Variants in FBXW4 observed in about 807,000 individuals in gnomAD.
The protein encoded by FBXW4 is F-box/WD repeat-containing protein 4.
FBXW4 carries 40 observed loss-of-function variants against 61.8 expected under a neutral mutation model. That is an observed-to-expected ratio of 0.65 (90% CI 0.50 to 0.84). The LOEUF (loss-of-function observed/expected upper bound fraction) is 0.84, where lower values mean the gene tolerates loss of function less well. Among genes scored for constraint, FBXW4 ranks in the 40% least tolerant of loss-of-function variants. The probability of loss-of-function intolerance (pLI) is 0.00; values close to 1 mark genes in which losing one functional copy is unlikely to be tolerated. For missense variants in FBXW4, 672 were observed against 753.8 expected (o/e 0.89, Z 1.27); for synonymous variants, 311 against 313.8 (o/e 0.99, Z 0.10).
intron 1 of FBXW4, among the ~76,000 whole-genome samples, chr10:101,683,921 A>C (rs749161084): frequency 6.6e-6 from 1 of 152,220 alleles, no homozygotes; most frequent in Non-Finnish European, 1.5e-5. Flanking sequence ...AGGGGAAAAC[A>C]GGGTTACACA....
At chr10:101,641,237 G>C (rs1055190081) in intron 5 of FBXW4, among the ~76,000 whole-genome samples, 10 of 152,090 alleles carry the variant, frequency 6.6e-5, no homozygotes, top group Non-Finnish European at 1.3e-4. Flanking sequence ...TGCACAATTG[G>C]ATAGGAGAAT....
chr10:101,669,917 G>A (rs1176895085), intron 4 of FBXW4, among the ~76,000 whole-genome samples: 1 of 151,984 alleles, frequency 6.6e-6, no homozygotes, highest in Admixed American at 6.6e-5. Context: ...ACCATGCCTG[G>A]CTAATTTTTT....
At chr10:101,650,075 G>A (rs2064133727) in intron 5 of FBXW4, among the ~76,000 whole-genome samples, 1 of 152,168 alleles carries the variant, frequency 6.6e-6, no homozygotes, top group South Asian at 2.1e-4. Context: ...GCAAGACTCA[G>A]GGTTTGAGAT....
intron 1 of FBXW4, among the ~76,000 whole-genome samples, chr10:101,684,771 A>G (rs2064517307): frequency 6.6e-6 from 1 of 152,230 alleles, no homozygotes; most frequent in Non-Finnish European, 1.5e-5. Flanking sequence ...TAGCTTCAGT[A>G]GCAGAGGTTT....
At chr10:101,671,810 G>A (rs1248133902) in intron 4 of FBXW4, among the ~76,000 whole-genome samples, 1 of 152,202 alleles carries the variant, frequency 6.6e-6, no homozygotes, top group Admixed American at 6.5e-5. Flanking sequence ...GCAAGTGACA[G>A]GAAATTCAGT....
intron 6 of FBXW4, chr10:101,613,240 C>A (rs1168300379): frequency 1.3e-5 from 2 of 152,400 alleles, no homozygotes; most frequent in African/African-American, 4.8e-5. Context: ...AGTGGGCAGA[C>A]CCTTTGCCCT....
rs570672818 is a variant in FBXW4, at chr10:101,677,332, C to T, written c.726-896G>A. On this transcript the variant is annotated intron_variant, in intron 1 of 8. Coordinates refer to ENST00000331272, the MANE Select transcript of FBXW4 (RefSeq NM_022039.4). ...GGTAGGTTCATATAATGGAATACTA[C>T]TCAGCAAAAAAAAGGAAAGAAGTAC... 2.6e-5 allele frequency among the ~76,000 whole-genome samples: 4 copies of T among 151,858 alleles called. No individual in the cohort carries two copies. In the South Asian group the frequency reaches 8.3e-4, roughly 32 times the overall value.
chr10:101,651,014 C>A (rs74770417), intron 5 of FBXW4, among the ~76,000 whole-genome samples: 3 of 152,222 alleles, frequency 2.0e-5, no homozygotes, highest in Non-Finnish European at 4.4e-5. Context: ...AGCCTTTTCA[C>A]GGGGAAGATG....
In FBXW4 at chr10:101,695,002, T is replaced by G. The variant is rs1010611081; in HGVS notation, c.104A>C (p.Lys35Thr). The G allele has an allele frequency of 3.2e-5, 34 of 1,075,438 alleles. No homozygotes were observed. The highest frequency in any genetic ancestry group is 1.1e-4 in the East Asian group (2 of 17,614). The allele number at this position is 1,075,438 out of a possible 1,614,324, so 66.6% of individuals were successfully genotyped here. A position where few individuals can be genotyped will look rare whatever the true frequency, so the allele number is the denominator to read the frequency against. The change falls in exon 1 of 9, where the codon AAG becomes ACG. Residue 35 changes from lysine (K) to threonine (T), a missense_variant. Around this residue, in one of 5 missense-constraint regions of FBXW4, gnomAD observed 38 missense variants for 43.3 expected, o/e 0.88. Transcript: ENST00000331272. This position sits in a 1 kb window ranked among gnomAD's most constrained non-coding sequence, Gnocchi z 4.2. ...TCCCTTCCCCTTCCCCTTCCTTCGC[T>G]TCCCCCTCGCCACCCTCCCTTCCTG... is the stretch of plus-strand genomic sequence containing the variant. ...KLQEGRVARG[K>T]RRKGKGKGKA... is the part of the protein sequence containing the mutation.
intron 6 of FBXW4, among the ~76,000 whole-genome samples, chr10:101,615,265 C>T (rs538728750): frequency 3.6e-4 from 55 of 152,154 alleles, no homozygotes; most frequent in African/African-American, 1.3e-3. Flanking sequence ...CAGGCCAAGA[C>T]GGGAGCAAGG....
intron 1 of FBXW4, among the ~76,000 whole-genome samples, chr10:101,689,235 C>T (rs2064564555): frequency 6.6e-6 from 1 of 152,078 alleles, no homozygotes; most frequent in Non-Finnish European, 1.5e-5. Context: ...ACTGTGAAGA[C>T]ATTGGGTTTC....
At chr10:101,695,214 C>G, upstream of FBXW4, 4 of 984,584 alleles carry the variant, frequency 4.1e-6, no homozygotes, top group Non-Finnish European at 4.8e-6. This position sits in a 1 kb window ranked among gnomAD's most constrained non-coding sequence, Gnocchi z 4.2. Flanking sequence ...GCGGCGCGGG[C>G]CGAGCCCTGG....
chr10:101,646,524 GC>G (rs1190036030), intron 5 of FBXW4, among the ~76,000 whole-genome samples: 2 of 152,240 alleles, frequency 1.3e-5, no homozygotes, highest in African/African-American at 4.8e-5. Context: ...GAGCAACAAA[GC>G]CGGGGCTTGT....
At chr10:101,617,904 G>GA (rs1398479051) in intron 6 of FBXW4, among the ~76,000 whole-genome samples, 1 of 152,136 alleles carries the variant, frequency 6.6e-6, no homozygotes, top group Non-Finnish European at 1.5e-5. Flanking sequence ...AAAAGAGAAT[G>GA]AAAAAAAGCT....
Position 101,694,431 on chromosome 10 carries a change from C to G in FBXW4, c.675G>C (p.Arg225=), listed in dbSNP as rs553281120. The change falls in exon 1 of 9, where the codon CGG becomes CGC. Residue 225 remains arginine, a synonymous_variant. Transcript: ENST00000331272. The surrounding 1 kb of genome is among the most constrained non-coding windows in gnomAD (Gnocchi z 6.0). ...RFTSCDLLWR[R]IARASLNSGF... is the part of the protein sequence containing the mutation. ...CGGAGTTGAGCGAGGCCCGGGCTAT[C>G]CGGCGCCAGAGCAGATCGCAGCTGG... 2.0e-6 allele frequency: 3 copies of G among 1,528,880 alleles called. No individual in the cohort carries two copies. The highest frequency in any genetic ancestry group is 2.7e-5 in the East Asian group (1 of 37,298). 94.7% of individuals were successfully genotyped at this position (1,528,880 alleles called of 1,614,324 possible).
At chr10:101,620,498 G>C (rs1039934360) in intron 6 of FBXW4, among the ~76,000 whole-genome samples, 14 of 152,204 alleles carry the variant, frequency 9.2e-5, no homozygotes, top group African/African-American at 2.7e-4. Flanking sequence ...GATGAACCTG[G>C]GGCTGGAGAG....
In FBXW4 at chr10:101,681,450, G is replaced by A. The variant is rs541314207; in HGVS notation, c.726-5014C>T. 2.0e-5 allele frequency among the ~76,000 whole-genome samples: 3 copies of A among 149,984 alleles called. No homozygotes were observed. The East Asian group carries it at 5.9e-4, about 29-fold the overall frequency. On this transcript the variant is annotated intron_variant, in intron 1 of 8. Transcript: ENST00000331272. ...TAACAGGTCTAGGCTGGGCGCGGTG[G>A]CTCACGCCTGTAATCCCAGCACTTT...
At chr10:101,683,422 C>T (rs941141770) in intron 1 of FBXW4, among the ~76,000 whole-genome samples, 3 of 152,176 alleles carry the variant, frequency 2.0e-5, no homozygotes, top group African/African-American at 7.2e-5. Flanking sequence ...CACTTAGTAA[C>T]CATTAGAGTT....
intron 5 of FBXW4, among the ~76,000 whole-genome samples, chr10:101,631,629 CTTT>C (rs11286397): frequency 6.5e-5 from 9 of 138,800 alleles, no homozygotes; most frequent in Admixed American, 1.4e-4. Context: ...ACATTATTTA[CTTT>C]TTTTTTTTTT....
Sources: gnomAD v4.1 joint callset for allele counts (sites outside exome capture counted in the v4.1 genomes callset) on GRCh38, gnomAD v4.1.1 for gene constraint, gnomAD v4.1.1 regional missense constraint, Gnocchi (gnomAD v3.1) non-coding constraint, MANE v1.5 for transcripts, NCBI Gene and HGNC (gene_info 2026-07-23, HGNC 2026-07-21) for gene names.